The following PDE9A variants were observed in gnomAD, a reference collection of about 807,000 sequenced individuals.
PDE9A encodes high affinity cGMP-specific 3',5'-cyclic phosphodiesterase 9A.
PDE9A carries 60 observed loss-of-function variants against 87.4 expected under a neutral mutation model. The observed-to-expected ratio is 0.69, with a 90% CI of 0.56 to 0.85. The LOEUF (loss-of-function observed/expected upper bound fraction) is 0.85. Among genes scored for constraint, PDE9A ranks in the 40% least tolerant of loss-of-function variants. The pLI is 0.00. For synonymous variants in PDE9A, 272 were observed against 279.4 expected (o/e 0.97, Z 0.27); for missense variants, 665 against 779.0 (o/e 0.85, Z 1.74).
intron 7 of PDE9A, among the ~76,000 whole-genome samples, chr21:42,740,630 GATAC>G (rs56266776): frequency 0.43 from 59,795 of 138,576 alleles, 12,226 homozygotes; most frequent in South Asian, 0.5. Flanking sequence ...TGGATGAATG[GATAC>G]ATAGATGAAT....
chr21:42,748,870 A>AT (rs2054150970), intron 8 of PDE9A, among the ~76,000 whole-genome samples: 1 of 152,240 alleles, frequency 6.6e-6, no homozygotes, highest in South Asian at 2.1e-4. Context: ...GTAGCGTGGC[A>AT]TTTTTTGGCA....
intron 4 of PDE9A, among the ~76,000 whole-genome samples, chr21:42,726,592 CCATATATATATATATATA>C (rs1296185709): frequency 4.0e-5 from 3 of 74,222 alleles, no homozygotes; most frequent in East Asian, 3.0e-4. Context: ...CCACGCCTGG[CCATATATATATATATATA>C]TATATATATA....
chr21:42,772,792 C>T (rs1250442009), intron 19 of PDE9A, among the ~76,000 whole-genome samples: 1 of 151,716 alleles, frequency 6.6e-6, no homozygotes, highest in East Asian at 2.0e-4. Context: ...AGCCACCATG[C>T]CTGGCTAGTT....
chr21:42,769,549 CACACACA>C (rs2056780308), intron 17 of PDE9A, among the ~76,000 whole-genome samples: 22 of 114,698 alleles, frequency 1.9e-4, no homozygotes, highest in Admixed American at 1.4e-3. Flanking sequence ...CACACAAATG[CACACACA>C]GGCACACACA....
intron 19 of PDE9A, among the ~76,000 whole-genome samples, chr21:42,775,064 C>T (rs1002474128): frequency 2.0e-5 from 3 of 151,640 alleles, no homozygotes; most frequent in African/African-American, 7.3e-5. Context: ...GTCTCAGCCT[C>T]CCGAGTAGCT....
rs780213449 is a variant in PDE9A, at chr21:42,765,473, C to G, written c.1335C>G (p.Ser445Arg). The stretch of plus-strand genomic sequence containing the variant: ...AGAAAATGGAGAATTTTGACTACAG[C>G]AACGAGGAGCACATGACCCTGGTGA... ...FKEKMENFDYSNEEHMTLLKM... is the reference protein window; with the variant it reads ...FKEKMENFDYRNEEHMTLLKM... The change falls in exon 15 of 20, where the codon AGC (serine) becomes AGG (arginine). Residue 445 changes from serine (S) to arginine (R), a missense_variant. Physicochemically the swap from Ser to Arg is moderately radical, Grantham distance 110 (BLOSUM62 -1). Transcript: ENST00000291539. 1 of 1,606,096 alleles carries G rather than the reference C, an allele frequency of 6.2e-7. No homozygotes were observed. Among genetic ancestry groups the G allele is most frequent in the South Asian group, 1.1e-5 (1 of 90,796 alleles).
chr21:42,687,895 C>T lies in PDE9A; in HGVS notation c.141-22C>T, dbSNP rs139771263. ...CCAGAGCACACTATGGGCGAAAACACGGGCTTGGGTGTGTTTTCCAGGAAC... is the reference window on the plus strand; with the variant it reads ...CCAGAGCACACTATGGGCGAAAACATGGGCTTGGGTGTGTTTTCCAGGAAC... On this transcript the variant is annotated intron_variant, in intron 2 of 19. Coordinates refer to ENST00000291539, the MANE Select transcript of PDE9A (RefSeq NM_002606.3). 504 of 1,609,020 alleles carry T rather than the reference C, an allele frequency of 3.1e-4. 1 individual carries two copies. Among genetic ancestry groups the T allele is most frequent in the Admixed American group, 1.0e-3 (62 of 60,004 alleles).
At chr21:42,765,351 G>T in intron 14 of PDE9A, 30 bp from the exon 15 acceptor site, 1 of 1,298,288 alleles carries the variant, frequency 7.7e-7, no homozygotes, top group Non-Finnish European at 1.1e-6. Context: ...GACTATACCC[G>T]TGTTAACACG....
chr21:42,676,803 T>C (rs2058867902), intron 1 of PDE9A, among the ~76,000 whole-genome samples: 1 of 152,246 alleles, frequency 6.6e-6, no homozygotes, highest in African/African-American at 2.4e-5. Context: ...CAGTCCTCCT[T>C]ATTTTGGTTG....
chr21:42,772,435 C>T lies in PDE9A; in HGVS notation c.1687-4C>T, dbSNP rs754564785. 1.5e-5 allele frequency: 24 copies of T among 1,601,340 alleles called. No homozygotes were observed. The highest frequency in any genetic ancestry group is 6.7e-5 in the South Asian group (6 of 89,078). On this transcript the variant is annotated splice_polypyrimidine_tract_variant and splice_region_variant and intron_variant, in intron 18 of 19. Transcript: ENST00000291539. ...GACTTGGCCTTCTCTGTACTCTGTT[C>T]CAGTTACAGAAGAAGACTGACAGCT...
intron 1 of PDE9A, among the ~76,000 whole-genome samples, chr21:42,682,361 C>T (rs891990399): frequency 1.3e-5 from 2 of 152,206 alleles, no homozygotes; most frequent in African/African-American, 4.8e-5. Flanking sequence ...ACAGCCTCCC[C>T]ACCTTTTTTC....
At chr21:42,709,416 A>G (rs1441497320) in intron 4 of PDE9A, among the ~76,000 whole-genome samples, 2 of 152,222 alleles carry the variant, frequency 1.3e-5, no homozygotes, top group African/African-American at 4.8e-5. Flanking sequence ...TTACCTGTGT[A>G]ACATCCCTGC....
At chr21:42,714,009 C>T (rs1280469849) in intron 4 of PDE9A, among the ~76,000 whole-genome samples, 8 of 110,550 alleles carry the variant, frequency 7.2e-5, no homozygotes, top group East Asian at 5.4e-4. Flanking sequence ...CTTTTTTTTT[C>T]ATTCCAATTT....
At chr21:42,731,703 A>T in intron 4 of PDE9A, 67 bp from the exon 5 acceptor site, 1 of 1,494,582 alleles carries the variant, frequency 6.7e-7, no homozygotes, top group Non-Finnish European at 9.1e-7. Flanking sequence ...TGCCCCCATA[A>T]AATAGACCTG....
intron 1 of PDE9A, among the ~76,000 whole-genome samples, chr21:42,656,304 C>T (rs1256440932): frequency 6.6e-6 from 1 of 152,238 alleles, no homozygotes; most frequent in Non-Finnish European, 1.5e-5. Context: ...TGGCGATGGG[C>T]ACACCCGCCC....
chr21:42,664,802 T>C (rs913926544), intron 1 of PDE9A, among the ~76,000 whole-genome samples: 1 of 152,196 alleles, frequency 6.6e-6, no homozygotes, highest in African/African-American at 2.4e-5. Context: ...GGGTCGGCCT[T>C]GCGAGAGACT....
intron 7 of PDE9A, among the ~76,000 whole-genome samples, chr21:42,737,340 G>A (rs138562143): frequency 2.7e-3 from 410 of 152,364 alleles, no homozygotes; most frequent in African/African-American, 9.5e-3. Flanking sequence ...ACATGCACAC[G>A]TGTAAGCACC....
chr21:42,769,417 GGCACACACTCGT>G (rs2056734939), intron 17 of PDE9A, among the ~76,000 whole-genome samples: 1 of 127,204 alleles, frequency 7.9e-6, no homozygotes, highest in African/African-American at 3.2e-5. Context: ...GGCACACACA[GGCACACACTCGT>G]GCACACACAT....
At chr21:42,768,781 T>TG in intron 16 of PDE9A, 9 of 985,436 alleles carry the variant, frequency 9.1e-6, no homozygotes, top group Non-Finnish European at 1.1e-5. Flanking sequence ...GCTGCCGTCC[T>TG]GGGATACATC....
Sources: gnomAD v4.1 joint callset for allele counts (sites outside exome capture counted in the v4.1 genomes callset) on GRCh38, gnomAD v4.1.1 for gene constraint, MANE v1.5 for transcripts, NCBI Gene and HGNC (gene_info 2026-07-23, HGNC 2026-07-21) for gene names.